ADGRV1: variants seen among roughly 807,000 people sequenced by gnomAD.
ADGRV1 encodes the protein G-protein coupled receptor 98.
In ADGRV1, 359 loss-of-function variants were observed where a neutral mutation model predicts 596.2. That is an observed-to-expected ratio of 0.60 (90% CI 0.55 to 0.66). The LOEUF is 0.66. ADGRV1 is among the 30% of genes least tolerant of loss of function. The pLI, the probability that ADGRV1 is intolerant of heterozygous loss-of-function variation, is 0.00. For missense variants in ADGRV1, 7,274 were observed against 7,575.6 expected (o/e 0.96, Z 1.48); for synonymous variants, 2,681 against 2,679.2 (o/e 1.00, Z -0.02).
intron 61 of ADGRV1, among the ~76,000 whole-genome samples, chr5:90,777,676 T>A (rs991303381): frequency 2.0e-5 from 3 of 152,180 alleles, no homozygotes; most frequent in Non-Finnish European, 2.9e-5. Context: ...GTAATCAGTT[T>A]TTGCTTGTAT....
chr5:91,007,464 G>A (rs767033692), intron 85 of ADGRV1, among the ~76,000 whole-genome samples: 8 of 152,014 alleles, frequency 5.3e-5, no homozygotes, highest in African/African-American at 1.5e-4. Flanking sequence ...TTGTGGTCAC[G>A]GTCAAAGATG....
At chr5:91,085,038 T>C (rs1582008758) in intron 86 of ADGRV1, among the ~76,000 whole-genome samples, 1 of 151,974 alleles carries the variant, frequency 6.6e-6, no homozygotes, top group Non-Finnish European at 1.5e-5. Context: ...ACGAGAACAC[T>C]TGGACACAGG....
intron 83 of ADGRV1, among the ~76,000 whole-genome samples, chr5:90,938,335 G>A (rs1400941071): frequency 6.6e-6 from 1 of 152,138 alleles, no homozygotes; most frequent in Admixed American, 6.5e-5. Flanking sequence ...TTAACTTGAA[G>A]CTATTCTTAT....
intron 50 of ADGRV1, among the ~76,000 whole-genome samples, chr5:90,737,481 T>C (rs1365908994): frequency 6.6e-6 from 1 of 151,948 alleles, no homozygotes; most frequent in Non-Finnish European, 1.5e-5. Context: ...AGTGTTTTCT[T>C]ATTGATGTGC....
rs188017433 is a variant in ADGRV1 at position 90,985,514 on chromosome 5, T to C, written c.18144T>C (p.His6048=). 2.8e-5 allele frequency: 45 copies of C among 1,613,510 alleles called. No homozygotes were observed. In the African/African-American group the frequency reaches 5.1e-4, roughly 18 times the overall value. ...TGTCACAGATCTATGGACTCATTCATGGTGACCTGTAAGTACACCCAGGCA... is the reference window on the plus strand; with the variant it reads ...TGTCACAGATCTATGGACTCATTCACGGTGACCTGTAAGTACACCCAGGCA... ...QSMSQIYGLI[H]GDLCFIPNVY... The change falls in exon 85 of 90, where the codon CAT becomes CAC. Residue 6048 remains histidine, a synonymous_variant. Coordinates refer to ENST00000405460, the MANE Select transcript of ADGRV1 (RefSeq NM_032119.4).
At chr5:91,005,260 G>A (rs909765367) in intron 85 of ADGRV1, among the ~76,000 whole-genome samples, 18 of 152,098 alleles carry the variant, frequency 1.2e-4, no homozygotes, top group South Asian at 4.1e-4. Flanking sequence ...AAAAGACAAC[G>A]TAAGATACTT....
chr5:90,827,163 C>G (rs1764140462), intron 76 of ADGRV1, among the ~76,000 whole-genome samples: 1 of 152,098 alleles, frequency 6.6e-6, no homozygotes, highest in African/African-American at 2.4e-5. Flanking sequence ...TCATCTTATA[C>G]TAGTTAGGGC....
chr5:90,904,495 G>T (rs546421176), intron 83 of ADGRV1, among the ~76,000 whole-genome samples: 97 of 152,164 alleles, frequency 6.4e-4, no homozygotes, highest in Non-Finnish European at 9.1e-4. Context: ...GTTTTGATTT[G>T]CATTTCTCTG....
chr5:90,983,771 G>A (rs1347144325), intron 84 of ADGRV1, among the ~76,000 whole-genome samples: 2 of 152,100 alleles, frequency 1.3e-5, no homozygotes, highest in Admixed American at 1.3e-4. Flanking sequence ...GATGTACATA[G>A]AGATATGGAG....
chr5:91,033,091 T>C (rs1784607167), intron 85 of ADGRV1, among the ~76,000 whole-genome samples: 1 of 152,234 alleles, frequency 6.6e-6, no homozygotes, highest in Non-Finnish European at 1.5e-5. Context: ...ACTATCTTAC[T>C]TTGTGTTTTC....
At chr5:90,789,282 A>G (rs1265698537) in intron 68 of ADGRV1, among the ~76,000 whole-genome samples, 1 of 152,160 alleles carries the variant, frequency 6.6e-6, no homozygotes, top group Non-Finnish European at 1.5e-5. Context: ...ACAACTGGGC[A>G]CTATAGTCTT....
chr5:91,131,385 G>A (rs2126797730), intron 87 of ADGRV1, among the ~76,000 whole-genome samples: 1 of 148,820 alleles, frequency 6.7e-6, no homozygotes, highest in East Asian at 2.0e-4. Context: ...TATGTTTGTT[G>A]ACTGCTTGTA....
chr5:90,561,058 C>T (rs913856041), intron 1 of ADGRV1, among the ~76,000 whole-genome samples: 2 of 152,184 alleles, frequency 1.3e-5, no homozygotes, highest in East Asian at 3.9e-4. Flanking sequence ...ATTGAATATA[C>T]GTTGTATGCC....
rs372334670 is a variant in ADGRV1 at position 90,978,409 on chromosome 5, C to T, written c.17974-6935C>T. Among the ~76,000 whole-genome samples, 15 of 152,200 alleles carry T rather than the reference C, an allele frequency of 9.9e-5. No homozygotes were observed. The East Asian group carries it at 2.1e-3, about 22-fold the overall frequency. On this transcript the variant is annotated intron_variant, in intron 84 of 89. Transcript: ENST00000405460. The stretch of plus-strand genomic sequence containing the variant: ...TAACTTCTGTCCTTCATTGGGAGTT[C>T]AGCCAAATCGATTAAAATTATGGAG...
At chr5:91,142,919 C>T (rs1013229028) in intron 87 of ADGRV1, among the ~76,000 whole-genome samples, 3 of 152,214 alleles carry the variant, frequency 2.0e-5, no homozygotes, top group African/African-American at 4.8e-5. Flanking sequence ...TGCTCAGGCC[C>T]ACTGGGCCTG....
At chr5:91,009,632 G>C (rs1305668039) in intron 85 of ADGRV1, among the ~76,000 whole-genome samples, 2 of 151,616 alleles carry the variant, frequency 1.3e-5, no homozygotes, top group African/African-American at 2.4e-5. Context: ...TTTTCTAAAA[G>C]CTATAACTTT....
At position 90,685,914 on chromosome 5, in the gene ADGRV1, A is replaced by G; in HGVS notation, c.6409A>G (p.Ile2137Val). 1.2e-6 allele frequency: 2 copies of G among 1,611,380 alleles called. No homozygotes were observed. Among genetic ancestry groups the G allele is most frequent in the Non-Finnish European group, 1.7e-6 (2 of 1,178,254 alleles). ...AGTGGCAGAAAATCATGTTGGACCC[A>G]TTATCAATGTGACTAGAACAGGAGG... ...VRVAENHVGP[I>V]INVTRTGGAF... Residue 2137 changes from isoleucine to valine, a missense_variant, in exon 29 of 90, where the codon ATT (isoleucine) becomes GTT (valine). Physicochemically the swap from Ile to Val is conservative, Grantham distance 29. Transcript: ENST00000405460.
At chr5:90,930,241 A>G (rs1016264019) in intron 83 of ADGRV1, among the ~76,000 whole-genome samples, 1 of 152,224 alleles carries the variant, frequency 6.6e-6, no homozygotes, top group African/African-American at 2.4e-5. Context: ...TATTAGAAAC[A>G]TCGATGCCAA....
chr5:90,776,945 C>T (rs2150072982), intron 61 of ADGRV1, among the ~76,000 whole-genome samples: 1 of 152,260 alleles, frequency 6.6e-6, no homozygotes, highest in Middle Eastern at 3.4e-3. Flanking sequence ...AAAATCATTC[C>T]TTAGAACATC....
Sources: allele counts gnomAD v4.1 joint callset (sites outside exome capture counted in the v4.1 genomes callset), GRCh38; gene constraint gnomAD v4.1.1; transcripts MANE v1.5; gene names NCBI Gene and HGNC (gene_info 2026-07-23, HGNC 2026-07-21).